Variants in CASR observed in about 807,000 individuals in gnomAD.
The protein encoded by CASR is extracellular calcium-sensing receptor.
Under a neutral mutation model 69.1 loss-of-function variants are expected in CASR, and 23 were observed. The observed-to-expected ratio is 0.33, with a 90% CI of 0.24 to 0.47. The LOEUF (loss-of-function observed/expected upper bound fraction) is 0.47. Ranked by LOEUF, CASR falls within the 20% of genes least tolerant of loss-of-function variation. The pLI is 1.00. For missense variants in CASR, 924 were observed against 1,356.1 expected (o/e 0.68, Z 5.00); for synonymous variants, 541 against 544.7 (o/e 0.99, Z 0.10).
intron 4 of CASR, among the ~76,000 whole-genome samples, chr3:122,274,833 C>A (rs1335300857): frequency 6.6e-6 from 1 of 152,202 alleles, no homozygotes; most frequent in African/African-American, 2.4e-5. Flanking sequence ...TGGACCCTGC[C>A]TTACTCTCAC....
At chr3:122,240,546 A>G (rs2074370047) in intron 1 of CASR, among the ~76,000 whole-genome samples, 1 of 152,214 alleles carries the variant, frequency 6.6e-6, no homozygotes, top group African/African-American at 2.4e-5. Context: ...ATCAAATATT[A>G]TTAGAGCTAA....
chr3:122,213,043 C>G (rs2074084103), intron 1 of CASR, among the ~76,000 whole-genome samples: 3 of 152,146 alleles, frequency 2.0e-5, no homozygotes, highest in South Asian at 4.1e-4. Context: ...AAGCAAGGTA[C>G]AATATAGTTC....
chr3:122,232,152 T>G (rs1274004757), intron 1 of CASR, among the ~76,000 whole-genome samples: 3 of 152,198 alleles, frequency 2.0e-5, no homozygotes, highest in African/African-American at 7.2e-5. Context: ...CAATCCCTTT[T>G]TTTTATTGTA....
rs759988398 is a variant in CASR at position 122,261,923 on chromosome 3, C to T, written c.888C>T (p.Ser296=). Residue 296 remains serine (S), a synonymous_variant, in exon 4 of 7, where the codon AGC becomes AGT. Transcript: ENST00000639785. ...RNITGKIWLA[S]EAWASSSLIA... Reference sequence around the variant, plus strand: ...TCACGGGCAAGATCTGGCTGGCCAGCGAGGCCTGGGCCAGCTCCTCCCTGA... The same window carrying T: ...TCACGGGCAAGATCTGGCTGGCCAGTGAGGCCTGGGCCAGCTCCTCCCTGA... 5 of 1,614,020 alleles carry T rather than the reference C, an allele frequency of 3.1e-6. No individual in the cohort carries two copies. In the South Asian group the frequency reaches 4.4e-5, roughly 14 times the overall value.
intron 1 of CASR, among the ~76,000 whole-genome samples, chr3:122,208,102 T>G (rs1166873614): frequency 6.6e-6 from 1 of 151,998 alleles, no homozygotes; most frequent in Non-Finnish European, 1.5e-5. Flanking sequence ...GTTCATGTTA[T>G]TTTTGAGAAA....
rs748910237 is a variant in CASR, at chr3:122,283,970, C to G, written c.2016C>G (p.Pro672=). 5.6e-6 allele frequency: 9 copies of G among 1,613,564 alleles called. No homozygotes were observed. The East Asian group carries it at 1.8e-4, about 32-fold the overall frequency. ...GCTCCCTGTTCTTCATCGGGGAGCC[C>G]CAGGACTGGACGTGCCGCCTGCGCC... ...FSSSLFFIGE[P]QDWTCRLRQP... is the part of the protein sequence containing the mutation. Residue 672 remains proline, a synonymous_variant, in exon 7 of 7, where the codon CCC becomes CCG. Transcript: ENST00000639785.
At chr3:122,218,243 A>T (rs1189902706) in intron 1 of CASR, among the ~76,000 whole-genome samples, 1 of 151,998 alleles carries the variant, frequency 6.6e-6, no homozygotes, top group African/African-American at 2.4e-5. Context: ...AAGAATCAAA[A>T]ATTATTTACG....
rs778078044 is a variant in CASR, at chr3:122,257,074, C to A, written c.186-7C>A. On this transcript the variant is annotated splice_polypyrimidine_tract_variant and splice_region_variant and intron_variant, in intron 2 of 6. Transcript: ENST00000639785. ...TCCCATTTTCTTCCACTTCTTCTTT[C>A]TTCCAGGTATAATTTCCGTGGGTTT... 1 of 1,613,448 alleles carries A rather than the reference C, an allele frequency of 6.2e-7. No individual in the cohort carries two copies. Among genetic ancestry groups the A allele is most frequent in the Non-Finnish European group, 8.5e-7 (1 of 1,179,348 alleles).
chr3:122,223,450 A>G (rs539748457), intron 1 of CASR, among the ~76,000 whole-genome samples: 1 of 152,294 alleles, frequency 6.6e-6, no homozygotes, highest in African/African-American at 2.4e-5. Context: ...AAAACCTAGA[A>G]GAAATGGATA....
chr3:122,194,928 A>T (rs866349193), intron 1 of CASR, among the ~76,000 whole-genome samples: 2 of 151,706 alleles, frequency 1.3e-5, no homozygotes, highest in African/African-American at 4.8e-5. Context: ...CACTTTAGTT[A>T]TATTCTTCCC....
rs1355236719 is a variant in CASR, at chr3:122,283,803, A to G, written c.1849A>G (p.Thr617Ala). The G allele has an allele frequency of 6.2e-7, 1 of 1,613,906 alleles. No individual in the cohort carries two copies. Among genetic ancestry groups the G allele is most frequent in the South Asian group, 1.1e-5 (1 of 91,068 alleles). Residue 617 changes from threonine to alanine, a missense_variant, in exon 7 of 7, where the codon ACC becomes GCC. Thr to Ala is a moderately conservative substitution (Grantham distance 58). Transcript: ENST00000639785. ...GACGGAGCCCTTTGGGATCGCACTC[A>G]CCCTCTTTGCCGTGCTGGGCATTTT... is the stretch of plus-strand genomic sequence containing the variant. ...SWTEPFGIAL[T>A]LFAVLGIFLT...
intron 1 of CASR, among the ~76,000 whole-genome samples, chr3:122,192,001 C>G (rs2107580531): frequency 6.6e-6 from 1 of 152,248 alleles, no homozygotes; most frequent in Admixed American, 6.5e-5. Flanking sequence ...AGCCTTTGAC[C>G]AAAGAATTTC....
intron 1 of CASR, among the ~76,000 whole-genome samples, chr3:122,196,592 C>T (rs1037953594): frequency 2.6e-5 from 4 of 151,874 alleles, no homozygotes; most frequent in African/African-American, 7.3e-5. Context: ...GGCTGGAGTG[C>T]GGTGGTGAAA....
rs565353961 is a variant in CASR, at chr3:122,231,507, T to A, written c.-242-22441T>A. Among the ~76,000 whole-genome samples the A allele has an allele frequency of 1.4e-4, 21 of 152,350 alleles. No individual in the cohort carries two copies. The South Asian group carries it at 4.3e-3, about 32-fold the overall frequency. ...ATAATCCTTACAGCAACCGTACTAT[T>A]GTTATTCCTGTGTGGACAATGAGGA... On this transcript the variant is annotated intron_variant, in intron 1 of 6. Coordinates refer to ENST00000639785, the MANE Select transcript of CASR (RefSeq NM_000388.4).
intron 1 of CASR, among the ~76,000 whole-genome samples, chr3:122,200,651 A>T (rs1276395468): frequency 1.3e-5 from 2 of 152,154 alleles, no homozygotes; most frequent in African/African-American, 2.4e-5. Context: ...TCAGTGGAGC[A>T]GTTGGTATTT....
chr3:122,229,437 G>A (rs1342335148), intron 1 of CASR, among the ~76,000 whole-genome samples: 2 of 152,264 alleles, frequency 1.3e-5, no homozygotes, highest in South Asian at 4.1e-4. Flanking sequence ...AAGTGAGTTA[G>A]ATGACTTCTA....
intron 1 of CASR, among the ~76,000 whole-genome samples, chr3:122,233,012 A>T (rs1334830070): frequency 1.3e-5 from 2 of 152,232 alleles, no homozygotes; most frequent in African/African-American, 4.8e-5. Context: ...AAACCATGGA[A>T]CTAACCAAAC....
chr3:122,249,052 T>A (rs1427196895), intron 1 of CASR, among the ~76,000 whole-genome samples: 1 of 152,230 alleles, frequency 6.6e-6, no homozygotes. Context: ...GGGTGACCCC[T>A]TCCTTGTCCT....
intron 1 of CASR, among the ~76,000 whole-genome samples, chr3:122,229,691 A>T (rs955553420): frequency 6.8e-6 from 1 of 146,670 alleles, no homozygotes; most frequent in Non-Finnish European, 1.5e-5. Context: ...GTGAAACCCC[A>T]CCTCTACTAA....
Sources: gnomAD v4.1 joint callset for allele counts (sites outside exome capture counted in the v4.1 genomes callset) on GRCh38, gnomAD v4.1.1 for gene constraint, MANE v1.5 for transcripts, NCBI Gene and HGNC (gene_info 2026-07-23, HGNC 2026-07-21) for gene names.